Variants in HIBADH observed in about 807,000 individuals in gnomAD.
HIBADH encodes 3-hydroxyisobutyrate dehydrogenase, mitochondrial.
Under a neutral mutation model 36.1 loss-of-function variants are expected in HIBADH, and 25 were observed. That is an observed-to-expected ratio of 0.69 (90% CI 0.50 to 0.97). HIBADH has a LOEUF of 0.97. HIBADH is among the 50% of genes least tolerant of loss of function. HIBADH has a pLI of 0.00. For synonymous variants in HIBADH, 160 were observed against 149.5 expected, an observed-to-expected ratio of 1.07 and a Z score of -0.51; for missense variants, 421 against 418.0, an observed-to-expected ratio of 1.01 and a Z score of -0.06.
At chr7:27,603,935 C>T (rs1029220548) in intron 4 of HIBADH, among the ~76,000 whole-genome samples, 7 of 152,002 alleles carry the variant, frequency 4.6e-5, no homozygotes, top group Non-Finnish European at 1.0e-4. Context: ...ACTTTCTCTC[C>T]CCTTTTCATC....
chr7:27,616,815 TAA>T (rs1785438927), intron 4 of HIBADH, among the ~76,000 whole-genome samples: 2 of 127,660 alleles, frequency 1.6e-5, no homozygotes, highest in Non-Finnish European at 3.4e-5. Flanking sequence ...AAAAAATTTT[TAA>T]TTAATAGAAA....
chr7:27,630,418 G>A (rs1785727104), intron 3 of HIBADH, among the ~76,000 whole-genome samples: 1 of 152,106 alleles, frequency 6.6e-6, no homozygotes, highest in African/African-American at 2.4e-5. Context: ...TGGGATTACA[G>A]GTGTGAGCTA....
intron 4 of HIBADH, among the ~76,000 whole-genome samples, chr7:27,587,174 ACC>A (rs1281208257): frequency 6.6e-6 from 1 of 152,240 alleles, no homozygotes; most frequent in Non-Finnish European, 1.5e-5. Flanking sequence ...ACCAAAAAGT[ACC>A]TCATTTATTC....
chr7:27,547,512 T>A (rs115579924), intron 4 of HIBADH, among the ~76,000 whole-genome samples: 1 of 152,166 alleles, frequency 6.6e-6, no homozygotes, highest in Non-Finnish European at 1.5e-5. Flanking sequence ...CCACTAGCTC[T>A]AGTACATAAG....
In HIBADH at chr7:27,632,395, T is replaced by C. The variant is rs1785763158; in HGVS notation, c.303A>G (p.Thr101=). 9 of 1,613,520 alleles carry C rather than the reference T, an allele frequency of 5.6e-6. No individual in the cohort carries two copies. Among genetic ancestry groups the C allele is most frequent in the African/African-American group, 4.0e-5 (3 of 74,858 alleles). The change falls in exon 3 of 8, where the codon ACA becomes ACG. Residue 101 remains threonine (T), a synonymous_variant. Transcript: ENST00000265395. ...TTGCATTGATACTGGTGGGCAGCAT[T>C]GTAATAATTCTGTCAGCTTTTTCAG... ...DVAEKADRII[T]MLPTSINAIE...
At chr7:27,641,270 C>A (rs147031406) in intron 2 of HIBADH, among the ~76,000 whole-genome samples, 1,877 of 152,298 alleles carry the variant, frequency 0.012, 13 homozygotes, top group Middle Eastern at 0.034. Flanking sequence ...AAATCTCTCA[C>A]TGAAAGAACA....
At chr7:27,621,785 C>T (rs1022754795) in intron 4 of HIBADH, among the ~76,000 whole-genome samples, 1 of 152,050 alleles carries the variant, frequency 6.6e-6, no homozygotes, top group Non-Finnish European at 1.5e-5. Flanking sequence ...AAGCGAGACT[C>T]GATCTCAAAC....
chr7:27,553,256 A>C (rs1221751144), intron 4 of HIBADH, among the ~76,000 whole-genome samples: 1 of 152,228 alleles, frequency 6.6e-6, no homozygotes, highest in Non-Finnish European at 1.5e-5. Flanking sequence ...ACCACAATAC[A>C]CAGCAGCAGA....
chr7:27,653,922 T>C (rs941071141), intron 1 of HIBADH, among the ~76,000 whole-genome samples: 5 of 152,178 alleles, frequency 3.3e-5, no homozygotes, highest in Non-Finnish European at 5.9e-5. Context: ...GGAACGTGTA[T>C]ACTCAAAAGT....
At chr7:27,649,719 ATT>A (rs879263925) in intron 1 of HIBADH, 86 bp from the exon 2 acceptor site, 163 of 1,041,366 alleles carry the variant, frequency 1.6e-4, no homozygotes, top group South Asian at 3.0e-4. Flanking sequence ...CAATTGTTAG[ATT>A]TTTTTTTTTT....
chr7:27,652,789 T>C (rs1368514128), intron 1 of HIBADH, among the ~76,000 whole-genome samples: 1 of 152,174 alleles, frequency 6.6e-6, no homozygotes, highest in Admixed American at 6.5e-5. Context: ...CCGCATGATC[T>C]AATTGCCTCC....
chr7:27,651,477 C>T (rs965235411), intron 1 of HIBADH, among the ~76,000 whole-genome samples: 2 of 152,170 alleles, frequency 1.3e-5, no homozygotes, highest in African/African-American at 4.8e-5. Context: ...AGAATGAGTA[C>T]ACTTCATCAG....
intron 1 of HIBADH, among the ~76,000 whole-genome samples, chr7:27,650,673 A>C (rs2128297152): frequency 6.8e-6 from 1 of 146,428 alleles, no homozygotes; most frequent in South Asian, 2.2e-4. Context: ...TTGTCCTTTT[A>C]ATAGAGACAG....
intron 2 of HIBADH, among the ~76,000 whole-genome samples, chr7:27,641,181 G>A (rs900982004): frequency 4.9e-5 from 7 of 143,914 alleles, no homozygotes; most frequent in Admixed American, 7.2e-5. Context: ...TCCAATACAT[G>A]AAACAATAAA....
intron 2 of HIBADH, among the ~76,000 whole-genome samples, chr7:27,646,417 T>A (rs1279794130): frequency 6.6e-6 from 1 of 152,222 alleles, no homozygotes; most frequent in Non-Finnish European, 1.5e-5. Flanking sequence ...CACTACACAG[T>A]GGTAACCCCT....
chr7:27,595,533 A>AAAAT (rs993297124), intron 4 of HIBADH, among the ~76,000 whole-genome samples: 1 of 60,894 alleles, frequency 1.6e-5, no homozygotes, highest in Non-Finnish European at 2.9e-5. Context: ...ACTCTGTCTC[A>AAAAT]AAATAAATAA....
intron 4 of HIBADH, among the ~76,000 whole-genome samples, chr7:27,621,114 T>TAA (rs60285880): frequency 0.79 from 120,638 of 151,934 alleles, 48,278 homozygotes; most frequent in East Asian, 0.97. Context: ...TAAAGAACAA[T>TAA]AAAAAGACAA....
chr7:27,595,618 GT>G (rs1397054210), intron 4 of HIBADH, among the ~76,000 whole-genome samples: 1 of 148,678 alleles, frequency 6.7e-6, no homozygotes, highest in Non-Finnish European at 1.5e-5. Context: ...GTGTGTGTGT[GT>G]GTGTGAACCG....
chr7:27,538,057 A>T (rs574897492), intron 6 of HIBADH, among the ~76,000 whole-genome samples: 9 of 152,350 alleles, frequency 5.9e-5, no homozygotes, highest in African/African-American at 2.2e-4. Context: ...TCAACATAAT[A>T]GAAGAAATGG....
Sources: allele counts gnomAD v4.1 joint callset (sites outside exome capture counted in the v4.1 genomes callset), GRCh38; gene constraint gnomAD v4.1.1; transcripts MANE v1.5; gene names NCBI Gene and HGNC (gene_info 2026-07-23, HGNC 2026-07-21).